Variants in KIF26B observed in about 807,000 individuals in gnomAD.
KIF26B encodes kinesin-like protein KIF26B.
KIF26B carries 63 observed loss-of-function variants against 151.2 expected under a neutral mutation model. That is an observed-to-expected ratio of 0.42 (90% CI 0.34 to 0.51). KIF26B has a LOEUF of 0.51. KIF26B is among the 20% of genes least tolerant of loss of function. The probability of loss-of-function intolerance (pLI) is 0.07; values close to 1 mark genes in which losing one functional copy is unlikely to be tolerated. For missense variants in KIF26B, 2,813 were observed against 2,913.6 expected, an observed-to-expected ratio of 0.97 and a Z score of 0.79; for synonymous variants, 1,357 against 1,262.1, an observed-to-expected ratio of 1.08 and a Z score of -1.59.
At position 245,521,075 on chromosome 1, in the gene KIF26B, C is replaced by T. The variant is rs183328853; in HGVS notation, c.1167-19692C>T. ...TAAACAGGCTGGGCGTGGTGGCTCA[C>T]GCCTGTAATCCCAGCATTTTGGGAG... On this transcript the variant is annotated intron_variant, in intron 4 of 14. Coordinates refer to ENST00000407071, the MANE Select transcript of KIF26B (RefSeq NM_018012.4). Among the ~76,000 whole-genome samples the T allele has an allele frequency of 3.0e-3, 462 of 152,238 alleles. 7 individuals are homozygous for T. Among genetic ancestry groups the T allele is most frequent in the East Asian group, 1.2e-3 (6 of 5,180 alleles).
chr1:245,550,872 A>G (rs1661865686), intron 5 of KIF26B, among the ~76,000 whole-genome samples: 1 of 152,134 alleles, frequency 6.6e-6, no homozygotes, highest in South Asian at 2.1e-4. Flanking sequence ...TCTACAGGAA[A>G]AAGGAGAATG....
chr1:245,671,003 C>T (rs1189836157), intron 10 of KIF26B, among the ~76,000 whole-genome samples: 1 of 152,186 alleles, frequency 6.6e-6, no homozygotes, highest in Non-Finnish European at 1.5e-5. Flanking sequence ...TCTCCCAATA[C>T]CTTTCCCAGC....
intron 2 of KIF26B, among the ~76,000 whole-genome samples, chr1:245,290,922 TGCTGGTTTCA>T (rs1421613705): frequency 6.6e-6 from 1 of 152,260 alleles, no homozygotes; most frequent in African/African-American, 2.4e-5. Context: ...AGCTGGTCAG[TGCTGGTTTCA>T]GCTGGGCTCC....
intron 2 of KIF26B, among the ~76,000 whole-genome samples, chr1:245,273,367 G>A (rs1221453487): frequency 7.4e-5 from 11 of 149,396 alleles, no homozygotes; most frequent in Admixed American, 4.1e-4. Flanking sequence ...GCAGTGAGCC[G>A]AGATAGTGCC....
intron 9 of KIF26B, among the ~76,000 whole-genome samples, chr1:245,631,738 A>C (rs1361112486): frequency 2.2e-4 from 34 of 152,070 alleles, no homozygotes; most frequent in Non-Finnish European, 5.9e-5. Context: ...GGAACTTTTT[A>C]TTACTGATTA....
chr1:245,185,967 C>T (rs1484026360), intron 2 of KIF26B, among the ~76,000 whole-genome samples: 2 of 152,056 alleles, frequency 1.3e-5, no homozygotes, highest in South Asian at 2.1e-4. Context: ...CTCCGCCTCC[C>T]GGATTCAAGC....
chr1:245,210,305 A>G (rs533699963), intron 2 of KIF26B, among the ~76,000 whole-genome samples: 2 of 152,306 alleles, frequency 1.3e-5, no homozygotes, highest in African/African-American at 4.8e-5. Flanking sequence ...ATGGGCTCCA[A>G]CCAGCCGGGG....
At chr1:245,331,438 C>G (rs774758433) in intron 2 of KIF26B, among the ~76,000 whole-genome samples, 1 of 152,166 alleles carries the variant, frequency 6.6e-6, no homozygotes, top group African/African-American at 2.4e-5. Context: ...TAAATGAAAA[C>G]GCGGATCTGA....
Position 245,686,852 on chromosome 1 carries a change from A to C in KIF26B, c.3869A>C (p.Glu1290Ala). 6.2e-7 allele frequency: 1 copy of C among 1,613,616 alleles called. No homozygotes were observed. The highest frequency in any genetic ancestry group is 1.1e-5 in the South Asian group (1 of 91,036). ...SWLSEMSAGS[E>A]GEQSCHSFIA... ...CTGAGCGAGATGAGCGCGGGCAGTGAGGGTGAGCAGTCGTGCCACAGTTTC... is the reference window on the plus strand; with the variant it reads ...CTGAGCGAGATGAGCGCGGGCAGTGCGGGTGAGCAGTCGTGCCACAGTTTC... The change falls in exon 12 of 15, where the codon GAG becomes GCG. Residue 1290 changes from glutamate to alanine, a missense_variant. Coordinates refer to ENST00000407071, the MANE Select transcript of KIF26B (RefSeq NM_018012.4). The surrounding 1 kb of genome is among the most constrained non-coding windows in gnomAD (Gnocchi z 5.6).
Position 245,642,084 on chromosome 1 carries a change from G to C in KIF26B, c.2099-4037G>C, listed in dbSNP as rs114520726. Among the ~76,000 whole-genome samples the C allele has an allele frequency of 2.6e-4, 40 of 152,284 alleles. 1 individual carries two copies. The South Asian group carries it at 8.1e-3, about 31-fold the overall frequency. ...CTCACAATGGCTTTCTGGCCCAAAC[G>C]GACCTGGGGAAGACCCAATGACGGT... On this transcript the variant is annotated intron_variant, in intron 9 of 14. Transcript: ENST00000407071.
intron 2 of KIF26B, among the ~76,000 whole-genome samples, chr1:245,232,619 C>G (rs1375840225): frequency 6.7e-6 from 1 of 149,850 alleles, no homozygotes; most frequent in Non-Finnish European, 1.5e-5. Flanking sequence ...GGTGCGATCT[C>G]AGCTCACCGC....
At chr1:245,260,517 C>T (rs1670613282) in intron 2 of KIF26B, among the ~76,000 whole-genome samples, 1 of 152,202 alleles carries the variant, frequency 6.6e-6, no homozygotes, top group African/African-American at 2.4e-5. Flanking sequence ...TATACTTTGA[C>T]ATTTTATAAA....
At chr1:245,408,338 CTTAAATGATTCTTTTTT>C (rs1345290173) in intron 3 of KIF26B, among the ~76,000 whole-genome samples, 6 of 143,176 alleles carry the variant, frequency 4.2e-5, no homozygotes, top group African/African-American at 1.5e-4. Flanking sequence ...TCAAATGATT[CTTAAATGATTCTTTTTT>C]TTTTTTTTTT....
intron 4 of KIF26B, among the ~76,000 whole-genome samples, chr1:245,429,196 T>A (rs1658718641): frequency 6.6e-6 from 1 of 152,182 alleles, no homozygotes; most frequent in Admixed American, 6.5e-5. Context: ...GTGATAGTCC[T>A]TGGTAAACTT....
At chr1:245,387,845 T>C (rs1673590237) in intron 3 of KIF26B, among the ~76,000 whole-genome samples, 1 of 152,132 alleles carries the variant, frequency 6.6e-6, no homozygotes, top group Non-Finnish European at 1.5e-5. Context: ...TAGGAAGGCG[T>C]CAAGGCTAAG....
intron 2 of KIF26B, among the ~76,000 whole-genome samples, chr1:245,308,211 G>A (rs745622259): frequency 1.3e-5 from 2 of 152,182 alleles, no homozygotes; most frequent in South Asian, 2.1e-4. Context: ...TTGTCATCAC[G>A]CTCCTGGAAT....
At chr1:245,552,616 A>AT (rs3038129) in intron 5 of KIF26B, among the ~76,000 whole-genome samples, 5,970 of 138,454 alleles carry the variant, frequency 0.043, 185 homozygotes, top group African/African-American at 0.06. Context: ...ATCTTCCTGG[A>AT]TTTTTTTTTT....
At chr1:245,403,392 C>T (rs2103028046) in intron 3 of KIF26B, among the ~76,000 whole-genome samples, 1 of 152,322 alleles carries the variant, frequency 6.6e-6, no homozygotes, top group Non-Finnish European at 1.5e-5. Context: ...TATTCTATTT[C>T]CTCAGTGGGC....
intron 2 of KIF26B, among the ~76,000 whole-genome samples, chr1:245,206,079 G>A (rs912603868): frequency 1.3e-5 from 2 of 152,092 alleles, no homozygotes; most frequent in Non-Finnish European, 2.9e-5. Flanking sequence ...GCCATCCTCA[G>A]AGAACCAGGC....
Sources: gnomAD v4.1 joint callset for allele counts (sites outside exome capture counted in the v4.1 genomes callset) on GRCh38, gnomAD v4.1.1 for gene constraint, Gnocchi (gnomAD v3.1) non-coding constraint, MANE v1.5 for transcripts, NCBI Gene and HGNC (gene_info 2026-07-23, HGNC 2026-07-21) for gene names.